Variants in CCDC14 observed in about 807,000 individuals in gnomAD.
CCDC14 encodes coiled-coil domain-containing protein 14.
CCDC14 carries 71 observed loss-of-function variants against 81.4 expected under a neutral mutation model. The ratio of observed to expected loss-of-function variants is 0.87; its 90% CI spans 0.72 to 1.06. The LOEUF (loss-of-function observed/expected upper bound fraction) is 1.06. CCDC14 is among the 50% of genes least tolerant of loss of function. The probability of loss-of-function intolerance (pLI) is 0.00; values close to 1 mark genes in which losing one functional copy is unlikely to be tolerated. For synonymous variants in CCDC14, 332 were observed against 364.8 expected, an observed-to-expected ratio of 0.91 and a Z score of 1.03; for missense variants, 1,046 against 1,047.3, an observed-to-expected ratio of 1.00 and a Z score of 0.02.
rs201587585 is a variant in CCDC14 at position 123,946,891 on chromosome 3, C to T, written c.1113G>A (p.Gln371=). Reference sequence around the variant, plus strand: ...CTGTCTTGTTCACATTTTTTGCCTTCTGTACATCCTTCACTGTTTTTGTAT... The same window carrying T: ...CTGTCTTGTTCACATTTTTTGCCTTTTGTACATCCTTCACTGTTTTTGTAT... The part of the protein sequence containing the change: ...VRDTKTVKDV[Q]KAKNVNKTAE... Residue 371 remains glutamine, a synonymous_variant, in exon 8 of 13, where the codon CAG becomes CAA. Transcript: ENST00000409697. 37 of 1,613,942 alleles carry T rather than the reference C, an allele frequency of 2.3e-5. No homozygotes were observed. The East Asian group carries it at 7.4e-4, about 32-fold the overall frequency.
intron 10 of CCDC14, among the ~76,000 whole-genome samples, chr3:123,932,825 G>A (rs532300803): frequency 6.6e-5 from 10 of 152,244 alleles, no homozygotes; most frequent in South Asian, 2.1e-4. Flanking sequence ...CTGGCCAGGC[G>A]TGGTGGCTCA....
At chr3:123,887,541 G>A in the CCDC14 span, among the ~76,000 whole-genome samples, 1 of 152,008 alleles carries the variant, frequency 6.6e-6, no homozygotes, top group East Asian at 1.9e-4. Context: ...TTATAGTTCT[G>A]GGGGCTGGGA....
Position 123,956,093 on chromosome 3 carries a change from T to C in CCDC14, c.182A>G (p.Asp61Gly), listed in dbSNP as rs570636221. The change falls in exon 4 of 13, where the codon GAT becomes GGT. Residue 61 changes from aspartate to glycine, a missense_variant. By Grantham distance (94) the Asp-to-Gly change is moderately conservative. Transcript: ENST00000409697. The stretch of plus-strand genomic sequence containing the variant: ...GTCCCTCAGCAAAGAAGCACAACCA[T>C]CAAGCCCGTGTACAGTTTCAGCCTG... Reference protein sequence around the residue: ...ESQAETVHGLDGCASLLRDIL... With the variant: ...ESQAETVHGLGGCASLLRDIL... 6.5e-7 allele frequency: 1 copy of C among 1,547,756 alleles called. No homozygotes were observed. Among genetic ancestry groups the C allele is most frequent in the Non-Finnish European group, 8.7e-7 (1 of 1,145,682 alleles).
At chr3:123,907,305 T>C (rs1449569619) in intron 5 of CCDC14, among the ~76,000 whole-genome samples, 1 of 152,206 alleles carries the variant, frequency 6.6e-6, no homozygotes, top group Non-Finnish European at 1.5e-5. Flanking sequence ...TTAATTTGTT[T>C]GGTGTTCATT....
At chr3:123,942,256 C>A (rs948070056) in intron 9 of CCDC14, among the ~76,000 whole-genome samples, 2 of 152,004 alleles carry the variant, frequency 1.3e-5, no homozygotes, top group African/African-American at 2.4e-5. Context: ...GCACCTATTT[C>A]ACAAAGCTGT....
downstream of CCDC14, among the ~76,000 whole-genome samples, chr3:123,893,020 G>A (rs1237870470): frequency 6.6e-6 from 1 of 152,044 alleles, no homozygotes; most frequent in Non-Finnish European, 1.5e-5. Flanking sequence ...TACTCAGGAT[G>A]GTCTCAATCA....
chr3:123,913,063 C>T (rs994156925), downstream of CCDC14, among the ~76,000 whole-genome samples: 10 of 152,324 alleles, frequency 6.6e-5, 1 homozygote, highest in East Asian at 1.7e-3. Context: ...CTACTCTTGG[C>T]TTCCTTCTGT....
chr3:123,949,039 T>C lies in CCDC14; in HGVS notation c.446A>G (p.Asp149Gly), dbSNP rs905541458. Residue 149 changes from aspartate to glycine, a missense_variant, in exon 6 of 13, where the codon GAT becomes GGT. By Grantham distance (94) the Asp-to-Gly change is moderately conservative. Transcript: ENST00000409697. ...SDLEQNWSLQ[D>G]HYRMYSPIIY... ...TATGGGTGAATACATTCTATAATGA[T>C]CTTGCAATGACCAGTTTTGCTCTAG... 1 of 1,613,672 alleles carries C rather than the reference T, an allele frequency of 6.2e-7. No homozygotes were observed. Among genetic ancestry groups the C allele is most frequent in the Non-Finnish European group, 8.5e-7 (1 of 1,179,686 alleles).
At chr3:123,939,943 A>T (rs2036262291) in intron 9 of CCDC14, among the ~76,000 whole-genome samples, 1 of 151,964 alleles carries the variant, frequency 6.6e-6, no homozygotes, top group Non-Finnish European at 1.5e-5. Context: ...GGTAATGGCT[A>T]CAGAACATTG....
chr3:123,915,497 T>A lies in CCDC14; in HGVS notation c.2000A>T (p.Glu667Val). The A allele has an allele frequency of 1.2e-6, 2 of 1,614,016 alleles. No homozygotes were observed. The stretch of plus-strand genomic sequence containing the variant: ...GGTTTTGTCTGGCTCTATGGTTTCC[T>A]CATTTTTAATTGTAGAAAGTGGCTC... ...HSEPLSTIKN[E>V]ETIEPDKTYE... The change falls in exon 13 of 13, where the codon GAG becomes GTG. Residue 667 changes from glutamate to valine, a missense_variant. Transcript: ENST00000409697.
intron 1 of CCDC14, chr3:123,957,080 C>A: frequency 4.7e-6 from 1 of 213,290 alleles, no homozygotes; most frequent in Non-Finnish European, 9.2e-6. Context: ...TGTCTTCAAG[C>A]TTCATCTATA....
In CCDC14 at chr3:123,947,017, C is replaced by T. The variant is rs757300856; in HGVS notation, c.987G>A (p.Gln329=). ...TAGTGGCCAAGAAAGCTGGTTGTGA[C>T]TGAGTAGGGCTTCGGTGTGTCTGAC... ...LDSQTHRSPT[Q]SQPAFLATNE... Residue 329 remains glutamine, a synonymous_variant, in exon 8 of 13, where the codon CAG becomes CAA. Coordinates refer to ENST00000409697, the MANE Select transcript of CCDC14 (RefSeq NM_001366335.1). 2.5e-6 allele frequency: 4 copies of T among 1,613,954 alleles called. No individual in the cohort carries two copies. The highest frequency in any genetic ancestry group is 3.4e-6 in the Non-Finnish European group (4 of 1,179,862).
chr3:123,951,415 C>T (rs575886137), intron 5 of CCDC14, among the ~76,000 whole-genome samples: 4 of 152,166 alleles, frequency 2.6e-5, no homozygotes, highest in Admixed American at 6.5e-5. Flanking sequence ...ATCTGATCAG[C>T]TCAAACAAAA....
At chr3:123,928,334 A>T (rs893547862) in intron 12 of CCDC14, among the ~76,000 whole-genome samples, 5 of 10,052 alleles carry the variant, frequency 5.0e-4, no homozygotes, top group Non-Finnish European at 1.1e-3. Flanking sequence ...AGTCTCTACT[A>T]AAAAAAAAAA....
intron 9 of CCDC14, among the ~76,000 whole-genome samples, chr3:123,936,235 TAAAAAC>T (rs2036049164): frequency 6.6e-6 from 1 of 152,008 alleles, no homozygotes; most frequent in Non-Finnish European, 1.5e-5. Flanking sequence ...TGATACATGA[TAAAAAC>T]AGAAAAAAGG....
At position 123,931,517 on chromosome 3, in the gene CCDC14, A is replaced by G. The variant is rs1410809879; in HGVS notation, c.1436T>C (p.Leu479Pro). 8 of 1,550,748 alleles carry G rather than the reference A, an allele frequency of 5.2e-6. No homozygotes were observed. In the East Asian group the frequency reaches 1.9e-4, roughly 36 times the overall value. The change falls in exon 11 of 13, where the codon CTT becomes CCT. Residue 479 changes from leucine (L) to proline (P), a missense_variant. Physicochemically the swap from Leu to Pro is moderately conservative, Grantham distance 98. Transcript: ENST00000409697. ...AVDCNLELFS[L>P]QSLNMSLQNQ... ...TTGCAGTGACATATTCAATGACTGA[A>G]GAGAAAACACTGTTAAGACAAAATG...
intron 12 of CCDC14, among the ~76,000 whole-genome samples, chr3:123,922,190 C>G (rs1266646252): frequency 6.6e-6 from 1 of 151,886 alleles, no homozygotes; most frequent in East Asian, 1.9e-4. Context: ...AAAATGAAAA[C>G]AAAATATGAC....
intron 12 of CCDC14, among the ~76,000 whole-genome samples, chr3:123,923,151 C>T (rs2035152215): frequency 1.3e-5 from 2 of 151,994 alleles, no homozygotes; most frequent in African/African-American, 4.8e-5. Context: ...ATGTGATATA[C>T]CACATTAACA....
chr3:123,886,728 G>C, the CCDC14 span, among the ~76,000 whole-genome samples: 1 of 152,114 alleles, frequency 6.6e-6, no homozygotes, highest in Admixed American at 6.6e-5. Context: ...GAAATTTTAA[G>C]ATAACAATAT....
Sources: gnomAD v4.1 joint callset for allele counts (sites outside exome capture counted in the v4.1 genomes callset) on GRCh38, gnomAD v4.1.1 for gene constraint, MANE v1.5 for transcripts, NCBI Gene and HGNC (gene_info 2026-07-23, HGNC 2026-07-21) for gene names.